Variants in ZSWIM9 observed in about 807,000 individuals in gnomAD.
The protein encoded by ZSWIM9 is uncharacterized protein ZSWIM9.
In ZSWIM9, 11 loss-of-function variants were observed where a neutral mutation model predicts 25.0. The observed-to-expected ratio is 0.44, with a 90% CI of 0.28 to 0.73. The LOEUF is 0.73. Among genes scored for constraint, ZSWIM9 ranks in the 30% least tolerant of loss-of-function variants. The probability of loss-of-function intolerance (pLI) is 0.16; values close to 1 mark genes in which losing one functional copy is unlikely to be tolerated. For synonymous variants in ZSWIM9, 562 were observed against 582.1 expected, an observed-to-expected ratio of 0.97 and a Z score of 0.50; for missense variants, 1,070 against 1,296.5, an observed-to-expected ratio of 0.83 and a Z score of 2.68.
chr19:48,197,153 G>T lies in ZSWIM9; in HGVS notation c.*326G>T, dbSNP rs536951065. The T allele has an allele frequency of 7.2e-6, 5 of 695,670 alleles. No individual in the cohort carries two copies. Among genetic ancestry groups the T allele is most frequent in the Non-Finnish European group, 1.3e-5 (5 of 381,764 alleles). The allele number at this position is 695,670 out of a possible 1,614,324, so 43.1% of individuals were successfully genotyped here. A position where few individuals can be genotyped will look rare whatever the true frequency, so the allele number is the denominator to read the frequency against. On this transcript the variant is annotated 3_prime_UTR_variant, in exon 4 of 4. Transcript: ENST00000614654. Reference sequence around the variant, plus strand: ...GGAAGGAAAGGGGCAGAGCTGGGGGGAGGGGGAGGAAGCGATCATATGGGG... The same window carrying T: ...GGAAGGAAAGGGGCAGAGCTGGGGGTAGGGGGAGGAAGCGATCATATGGGG...
At chr19:48,180,325 A>ATT (rs33956249) in intron 2 of ZSWIM9, among the ~76,000 whole-genome samples, 45,041 of 140,186 alleles carry the variant, frequency 0.32, 7,392 homozygotes, top group East Asian at 0.54. Flanking sequence ...CATTCTTCCA[A>ATT]TTTTTTTTTT....
chr19:48,187,596 A>ATATATTATATATTATATAAT (rs1568579953), intron 3 of ZSWIM9: 1 of 82,560 alleles, frequency 1.2e-5, no homozygotes, highest in Non-Finnish European at 2.3e-5. Flanking sequence ...TATATAATAT[A>ATATATTATATATTATATAAT]ATATTATATA....
Position 48,195,531 on chromosome 19 carries a change from A to T in ZSWIM9, c.1467A>T (p.Gly489=), listed in dbSNP as rs894438113. 2.2e-5 allele frequency: 31 copies of T among 1,412,948 alleles called. No homozygotes were observed. The highest frequency in any genetic ancestry group is 3.0e-5 in the African/African-American group (2 of 66,512). The allele number at this position is 1,412,948 out of a possible 1,614,324, so 87.5% of individuals were successfully genotyped here. The change falls in exon 4 of 4, where the codon GGA becomes GGT. Residue 489 remains glycine, a synonymous_variant. Transcript: ENST00000614654. This position sits in a 1 kb window ranked among gnomAD's most constrained non-coding sequence, Gnocchi z 5.8. ...GAPKEGSIWR[G]AQMEKEWARA... is the part of the protein sequence containing the mutation. ...CGAAAGAAGGAAGTATTTGGAGGGG[A>T]GCCCAGATGGAGAAGGAGTGGGCAA...
In ZSWIM9 at chr19:48,196,809, G is replaced by A. The variant is rs969787759; in HGVS notation, c.2745G>A (p.Gly915=). 6 of 1,236,242 alleles carry A rather than the reference G, an allele frequency of 4.9e-6. No individual in the cohort carries two copies. The highest frequency in any genetic ancestry group is 6.1e-6 in the Non-Finnish European group (6 of 990,654). The allele number at this position is 1,236,242 out of a possible 1,614,324, so 76.6% of individuals were successfully genotyped here. A position where few individuals can be genotyped will look rare whatever the true frequency, so the allele number is the denominator to read the frequency against. ...FHMDLLRDCW[G]RAPEP ...TGGACCTGCTCAGGGATTGCTGGGG[G>A]AGAGCCCCAGAGCCCTGACCCTTCA... is the stretch of plus-strand genomic sequence containing the variant. The change falls in exon 4 of 4, where the codon GGG becomes GGA. Residue 915 remains glycine (G), a synonymous_variant. Transcript: ENST00000614654.
chr19:48,187,612 T>TAATA (rs1477446548), intron 3 of ZSWIM9: 1 of 103,886 alleles, frequency 9.6e-6, no homozygotes, highest in Admixed American at 1.7e-4. Context: ...ATATATTATA[T>TAATA]TAATATTATA....
rs2037164900 is a variant in ZSWIM9, at chr19:48,196,324, G to C, written c.2260G>C (p.Ala754Pro). 8.1e-7 allele frequency: 1 copy of C among 1,233,398 alleles called. No individual in the cohort carries two copies. The highest frequency in any genetic ancestry group is 1.0e-6 in the Non-Finnish European group (1 of 988,934). The allele number at this position is 1,233,398 out of a possible 1,614,324, so 76.4% of individuals were successfully genotyped here. A position where few individuals can be genotyped will look rare whatever the true frequency, so the allele number is the denominator to read the frequency against. Residue 754 changes from alanine (A) to proline (P), a missense_variant, in exon 4 of 4, where the codon GCA becomes CCA. By Grantham distance (27) the Ala-to-Pro change is conservative (BLOSUM62 -1). Around this residue, in one of 4 missense-constraint regions of ZSWIM9, gnomAD observed 583 missense variants for 624.7 expected, o/e 0.93. Transcript: ENST00000614654. ...CGGACGAGGGATGGAGTGGGGAGAC[G>C]CAGGAGGGCGGTGTCTAGGGCTGGG... ...RAGRGMEWGD[A>P]GGRCLGLGNG...
chr19:48,187,583 T>C (rs1454771724), intron 3 of ZSWIM9: 1 of 68,588 alleles, frequency 1.5e-5, no homozygotes, highest in Non-Finnish European at 2.9e-5. Context: ...ATATATTATA[T>C]ATTATATAAT....
chr19:48,196,115 C>G lies in ZSWIM9; in HGVS notation c.2051C>G (p.Pro684Arg), dbSNP rs2037161652. The G allele has an allele frequency of 1.6e-6, 2 of 1,242,150 alleles. No individual in the cohort carries two copies. Among genetic ancestry groups the G allele is most frequent in the African/African-American group, 1.6e-5 (1 of 64,254 alleles). 76.9% of individuals were successfully genotyped at this position (1,242,150 alleles called of 1,614,324 possible). ...LAPENGDQRGPQWEDERRRGP... is the reference protein window; with the variant it reads ...LAPENGDQRGRQWEDERRRGP... ...CCTGAGAACGGAGACCAAAGGGGAC[C>G]CCAGTGGGAAGATGAGAGGAGGAGA... Residue 684 changes from proline to arginine, a missense_variant, in exon 4 of 4, where the codon CCC becomes CGC. Pro to Arg is a moderately radical substitution (Grantham distance 103). Transcript: ENST00000614654.
At position 48,182,807 on chromosome 19, in the gene ZSWIM9, G is replaced by A; in HGVS notation, c.588+40G>A. 6.9e-7 allele frequency: 1 copy of A among 1,442,504 alleles called. No individual in the cohort carries two copies. Among genetic ancestry groups the A allele is most frequent in the Admixed American group, 2.1e-5 (1 of 47,216 alleles). The allele number at this position is 1,442,504 out of a possible 1,614,324, so 89.4% of individuals were successfully genotyped here. On this transcript the variant is annotated intron_variant, in intron 3 of 3. Transcript: ENST00000614654. The surrounding 1 kb of genome is among the most constrained non-coding windows in gnomAD (Gnocchi z 4.6). The stretch of plus-strand genomic sequence containing the variant: ...GAGGCAGGCCGGGGGAGGGGGCGGG[G>A]GAAAGCCGCGCTGAAGACTCGTGGG...
intron 3 of ZSWIM9, among the ~76,000 whole-genome samples, chr19:48,192,466 A>ATGTATATAT (rs1480286362): frequency 8.8e-5 from 2 of 22,810 alleles, no homozygotes; most frequent in South Asian, 1.9e-3. Flanking sequence ...AAAAAAAAAA[A>ATGTATATAT]AAAAAAAAAA....
At chr19:48,193,567 A>AAG (rs2037122878) in intron 3 of ZSWIM9, among the ~76,000 whole-genome samples, 1 of 152,234 alleles carries the variant, frequency 6.6e-6, no homozygotes. Flanking sequence ...GCAAGCAGGC[A>AAG]ATGGGCAGAT....
In ZSWIM9 at chr19:48,171,870, CCTTCTTCTCGTGGGCCGAGTTCAGCCG is replaced by C; in HGVS notation, c.76_102del (p.Ser26_Phe34del). The C allele has an allele frequency of 6.5e-7, 1 of 1,535,520 alleles. No homozygotes were observed. Among genetic ancestry groups the C allele is most frequent in the Non-Finnish European group, 8.7e-7 (1 of 1,146,648 alleles). On this transcript the variant is annotated inframe_deletion, in exon 2 of 4. Transcript: ENST00000614654. ...GAGGAGCAGGAGCTGCGGGAGCGGG[CCTTCTTCTCGTGGGCCGAGTTCAGCCG>C]CTTCTTCGACGCGTGGTGCCAGCAG...
rs2007182 is a variant in ZSWIM9 at position 48,182,815 on chromosome 19, G to T, written c.588+48G>T. ...CCGGGGGAGGGGGCGGGGGAAAGCC[G>T]CGCTGAAGACTCGTGGGTCATTCAT... On this transcript the variant is annotated intron_variant, in intron 3 of 3. Transcript: ENST00000614654. The surrounding 1 kb of genome is among the most constrained non-coding windows in gnomAD (Gnocchi z 4.6). The T allele has an allele frequency of 7.2e-7, 1 of 1,390,630 alleles. No homozygotes were observed. The highest frequency in any genetic ancestry group is 1.4e-5 in the African/African-American group (1 of 69,994). The allele number at this position is 1,390,630 out of a possible 1,614,324, so 86.1% of individuals were successfully genotyped here.
At position 48,182,404 on chromosome 19, in the gene ZSWIM9, G is replaced by T; in HGVS notation, c.276-51G>T. On this transcript the variant is annotated intron_variant, in intron 2 of 3. Transcript: ENST00000614654. This position sits in a 1 kb window ranked among gnomAD's most constrained non-coding sequence, Gnocchi z 4.6. ...AAAAAAAAAGGTGAGTGGAAAGGAA[G>T]AAGAGGGCAGCAGAGTGATGTGACC... 16 of 1,318,330 alleles carry T rather than the reference G, an allele frequency of 1.2e-5. No individual in the cohort carries two copies. The highest frequency in any genetic ancestry group is 1.5e-5 in the Non-Finnish European group (15 of 981,486). The allele number at this position is 1,318,330 out of a possible 1,614,324, so 81.7% of individuals were successfully genotyped here.
chr19:48,187,197 T>TAA (rs1189659595), intron 3 of ZSWIM9, among the ~76,000 whole-genome samples: 1 of 123,496 alleles, frequency 8.1e-6, no homozygotes, highest in African/African-American at 3.0e-5. Context: ...GCCTCTGATT[T>TAA]AAAAAAAAAA....
rs2037143875 is a variant in ZSWIM9 at position 48,195,193 on chromosome 19, T to G, written c.1129T>G (p.Phe377Val). The change falls in exon 4 of 4, where the codon TTC (phenylalanine) becomes GTC (valine). Residue 377 changes from phenylalanine (F) to valine (V), a missense_variant. This residue lies in a region of ZSWIM9 where 184 missense variants were observed against 243.1 expected (regional missense o/e 0.76). Coordinates refer to ENST00000614654, the MANE Select transcript of ZSWIM9 (RefSeq NM_199341.4). The surrounding 1 kb of genome is among the most constrained non-coding windows in gnomAD (Gnocchi z 5.8). ...AHGPAAFVDYFERNWEPRRDM... is the reference protein window; with the variant it reads ...AHGPAAFVDYVERNWEPRRDM... ...CGGCCCAGCCGCCTTCGTGGACTAC[T>G]TCGAGCGCAACTGGGAGCCCCGCCG... 6.6e-7 allele frequency: 1 copy of G among 1,525,312 alleles called. No individual in the cohort carries two copies. Among genetic ancestry groups the G allele is most frequent in the African/African-American group, 1.4e-5 (1 of 72,206 alleles). 94.5% of individuals were successfully genotyped at this position (1,525,312 alleles called of 1,614,324 possible). A position where few individuals can be genotyped will look rare whatever the true frequency, so the allele number is the denominator to read the frequency against.
chr19:48,193,566 C>CCCTT, intron 3 of ZSWIM9, among the ~76,000 whole-genome samples: 1 of 152,146 alleles, frequency 6.6e-6, no homozygotes. Flanking sequence ...GGCAAGCAGG[C>CCCTT]AATGGGCAGA....
chr19:48,174,568 G>C (rs1411387844), intron 2 of ZSWIM9: 1 of 152,186 alleles, frequency 6.6e-6, no homozygotes, highest in East Asian at 1.9e-4. Flanking sequence ...TATCTCATAG[G>C]TAAATTATTC....
chr19:48,185,072 G>T (rs888103706), intron 3 of ZSWIM9, among the ~76,000 whole-genome samples: 4 of 152,130 alleles, frequency 2.6e-5, no homozygotes, highest in African/African-American at 7.2e-5. Context: ...CATTTTGAAG[G>T]CTGTCTTGGA....
Sources: gnomAD v4.1 joint callset for allele counts (sites outside exome capture counted in the v4.1 genomes callset) on GRCh38, gnomAD v4.1.1 for gene constraint, gnomAD v4.1.1 regional missense constraint, Gnocchi (gnomAD v3.1) non-coding constraint, MANE v1.5 for transcripts, NCBI Gene and HGNC (gene_info 2026-07-23, HGNC 2026-07-21) for gene names.